ABRAXAS1: variants seen among roughly 807,000 people sequenced by gnomAD.
ABRAXAS1 encodes BRCA1-A complex subunit Abraxas 1.
ABRAXAS1 carries 26 observed loss-of-function variants against 38.4 expected under a neutral mutation model. The ratio of observed to expected loss-of-function variants is 0.68; its 90% confidence interval spans 0.50 to 0.94. ABRAXAS1 has a LOEUF of 0.94. ABRAXAS1 is among the 40% of genes least tolerant of loss of function. The pLI, the probability that ABRAXAS1 is intolerant of heterozygous loss-of-function variation, is 0.00. For synonymous variants in ABRAXAS1, 144 were observed against 165.5 expected (o/e 0.87, Z 1.00); for missense variants, 438 against 481.9 (o/e 0.91, Z 0.85).
In ABRAXAS1 at chr4:83,467,527, A is replaced by G. The variant is rs771297720; in HGVS notation, c.608T>C (p.Phe203Ser). 1 of 1,535,360 alleles carries G rather than the reference A, an allele frequency of 6.5e-7. No homozygotes were observed. The highest frequency in any genetic ancestry group is 9.0e-7 in the Non-Finnish European group (1 of 1,114,838). The change falls in exon 7 of 9, where the codon TTT (phenylalanine) becomes TCT (serine). Residue 203 changes from phenylalanine (F) to serine (S), a missense_variant. Phe to Ser is a radical substitution (Grantham distance 155). Transcript: ENST00000321945. ...RAVQTHSSKF[F>S]EEDGSLKEVH... ...CTCCTTTAAGGATCCATCTTCTTCA[A>G]AAAATTTAGAGCTGTAAAAAATTAC...
At chr4:83,466,743 T>TA (rs1722376139) in intron 7 of ABRAXAS1, 1 of 152,188 alleles carries the variant, frequency 6.6e-6, no homozygotes, top group African/African-American at 2.4e-5. Context: ...TTCACTGTGT[T>TA]AGCCAGGATG....
At chr4:83,474,822 A>G (rs1722709553) in intron 3 of ABRAXAS1, among the ~76,000 whole-genome samples, 1 of 152,202 alleles carries the variant, frequency 6.6e-6, no homozygotes, top group Non-Finnish European at 1.5e-5. Flanking sequence ...AAGAGGAAGA[A>G]ACTGCATAGT....
At chr4:83,472,974 A>G (rs1394035936) in intron 3 of ABRAXAS1, among the ~76,000 whole-genome samples, 3 of 152,222 alleles carry the variant, frequency 2.0e-5, no homozygotes, top group South Asian at 2.1e-4. Context: ...TATGTTATAC[A>G]AAATCCTTTA....
Position 83,459,860 on chromosome 4 carries a change from C to A in ABRAXAS1, c.*2609G>T. ...ACGAATTATATCAATCTATTTCTAT[C>A]ATTTAAGAAAACTCAAATTTTCAAA... On this transcript the variant is annotated 3_prime_UTR_variant, in exon 9 of 9. Coordinates refer to ENST00000321945, the MANE Select transcript of ABRAXAS1 (RefSeq NM_139076.3). 2 of 1,401,818 alleles carry A rather than the reference C, an allele frequency of 1.4e-6. No homozygotes were observed. Among genetic ancestry groups the A allele is most frequent in the Non-Finnish European group, 2.0e-6 (2 of 1,018,128 alleles). The allele number at this position is 1,401,818 out of a possible 1,614,324, so 86.8% of individuals were successfully genotyped here. A position where few individuals can be genotyped will look rare whatever the true frequency, so the allele number is the denominator to read the frequency against.
Position 83,462,257 on chromosome 4 carries a change from G to GA in ABRAXAS1, c.*211dup. On this transcript the variant is annotated 3_prime_UTR_variant, in exon 9 of 9. Transcript: ENST00000321945. The stretch of plus-strand genomic sequence containing the variant: ...TCCCCTCAACAACTTAGTGAAAGGT[G>GA]AAAAAAAGGTTTGGAAATAAAAGCA... The GA allele has an allele frequency of 5.8e-6, 3 of 518,858 alleles. No homozygotes were observed. The highest frequency in any genetic ancestry group is 1.0e-5 in the Non-Finnish European group (3 of 295,274). 32.1% of individuals were successfully genotyped at this position (518,858 alleles called of 1,614,324 possible).
intron 1 of ABRAXAS1, 34 bp from the exon 2 acceptor site, chr4:83,482,278 C>G: frequency 7.8e-7 from 1 of 1,281,172 alleles, no homozygotes; most frequent in African/African-American, 1.5e-5. Context: ...ATAGAATACA[C>G]TGATAGAATT....
intron 7 of ABRAXAS1, among the ~76,000 whole-genome samples, chr4:83,464,349 T>G (rs1161494459): frequency 6.6e-6 from 1 of 152,224 alleles, no homozygotes; most frequent in African/African-American, 2.4e-5. Flanking sequence ...AAACTACTTT[T>G]GAAAAGCAGA....
At chr4:83,475,980 C>T (rs7666601) in intron 3 of ABRAXAS1, among the ~76,000 whole-genome samples, 94,751 of 152,090 alleles carry the variant, frequency 0.62, 31,671 homozygotes, top group African/African-American at 0.87. Flanking sequence ...GGAAGGAGGA[C>T]GGCTTGAGCC....
At chr4:83,475,758 GA>G (rs1175942609) in intron 3 of ABRAXAS1, among the ~76,000 whole-genome samples, 1 of 142,596 alleles carries the variant, frequency 7.0e-6, no homozygotes, top group East Asian at 2.4e-4. Flanking sequence ...TTTGCTTTAT[GA>G]AAATTCATTT....
chr4:83,467,624 T>C (rs537080704), intron 6 of ABRAXAS1, 86 bp from the exon 7 acceptor site: 15 of 728,544 alleles, frequency 2.1e-5, no homozygotes, highest in Non-Finnish European at 2.9e-5. Flanking sequence ...CAAGGACCAA[T>C]AGAAGAGTCT....
chr4:83,480,411 C>A (rs1722956670), intron 2 of ABRAXAS1: 2 of 369,614 alleles, frequency 5.4e-6, no homozygotes, highest in Middle Eastern at 6.2e-4. Flanking sequence ...TATATATACA[C>A]ACACACATTT....
intron 7 of ABRAXAS1, 91 bp from the exon 8 acceptor site, chr4:83,463,699 G>A (rs1722237720): frequency 3.2e-6 from 2 of 615,570 alleles, no homozygotes; most frequent in South Asian, 7.1e-5. Flanking sequence ...AATCATTGGT[G>A]GTATATAATA....
rs1265303401 is a variant in ABRAXAS1, at chr4:83,460,949, A to G, written c.*1520T>C. On this transcript the variant is annotated 3_prime_UTR_variant, in exon 9 of 9. Coordinates refer to ENST00000321945, the MANE Select transcript of ABRAXAS1 (RefSeq NM_139076.3). ...CTTTAAATATTGACATTTTTTATGA[A>G]TAAGAAAGCTTTTTATTTTACAGGT... 1.9e-6 allele frequency: 3 copies of G among 1,581,054 alleles called. No homozygotes were observed. Among genetic ancestry groups the G allele is most frequent in the Non-Finnish European group, 1.7e-6 (2 of 1,168,592 alleles).
Position 83,478,131 on chromosome 4 carries a change from C to T in ABRAXAS1, c.179-1452G>A. ...TTTACTAAGAAGCACTTAATATTGT[C>T]AGGAATGATGGAAGACACAACTTTA... On this transcript the variant is annotated intron_variant, in intron 2 of 8. Coordinates refer to ENST00000321945, the MANE Select transcript of ABRAXAS1 (RefSeq NM_139076.3). The T allele has an allele frequency of 3.8e-6, 3 of 791,258 alleles. No homozygotes were observed. The Admixed American group carries it at 5.3e-5, about 14-fold the overall frequency. 49.0% of individuals were successfully genotyped at this position (791,258 alleles called of 1,614,324 possible).
chr4:83,483,758 AC>A (rs958173063), intron 1 of ABRAXAS1, among the ~76,000 whole-genome samples: 1 of 151,884 alleles, frequency 6.6e-6, no homozygotes, highest in African/African-American at 2.4e-5. Flanking sequence ...CAGAAAAACC[AC>A]CCTTTAAAGA....
intron 3 of ABRAXAS1, 113 bp from the exon 4 acceptor site, chr4:83,472,401 T>G (rs1371169423): frequency 2.0e-6 from 1 of 503,058 alleles, no homozygotes; most frequent in African/African-American, 2.0e-5. Context: ...ATATACCTAT[T>G]TGCCTGTCAG....
chr4:83,461,288 T>C lies in ABRAXAS1; in HGVS notation c.*1181A>G, dbSNP rs1268297549. The C allele has an allele frequency of 6.3e-6, 7 of 1,102,706 alleles. No individual in the cohort carries two copies. The African/African-American group carries it at 1.1e-4, about 17-fold the overall frequency. The allele number at this position is 1,102,706 out of a possible 1,614,324, so 68.3% of individuals were successfully genotyped here. A position where few individuals can be genotyped will look rare whatever the true frequency, so the allele number is the denominator to read the frequency against. On this transcript the variant is annotated 3_prime_UTR_variant, in exon 9 of 9. Transcript: ENST00000321945. ...TCAAACCAACCTTTGGATAGAAAAG[T>C]GTTTGAGGAGTGAGGTAAAGAATGA...
chr4:83,469,238 A>C (rs557559503), intron 5 of ABRAXAS1, 87 bp from the exon 6 acceptor site: 1 of 1,201,360 alleles, frequency 8.3e-7, no homozygotes, highest in East Asian at 2.3e-5. Flanking sequence ...TGTCCCCTAC[A>C]AGATTTAAAA....
intron 2 of ABRAXAS1, chr4:83,477,559 T>C (rs1722823309): frequency 4.2e-6 from 2 of 477,532 alleles, no homozygotes; most frequent in Non-Finnish European, 4.1e-6. Context: ...AGATGTCTCG[T>C]CTGAACTGGA....
Sources: gnomAD v4.1 joint callset for allele counts (sites outside exome capture counted in the v4.1 genomes callset) on GRCh38, gnomAD v4.1.1 for gene constraint, MANE v1.5 for transcripts, NCBI Gene and HGNC (gene_info 2026-07-23, HGNC 2026-07-21) for gene names.